The following FGF14 variants were observed in gnomAD, a reference collection of about 807,000 sequenced individuals.
FGF14 encodes fibroblast growth factor 14, also known as fibroblast growth factor homologous factor 4.
FGF14 carries 5 observed loss-of-function variants against 25.5 expected under a neutral mutation model. The ratio of observed to expected loss-of-function variants is 0.20; its 90% CI spans 0.10 to 0.41. The LOEUF is 0.41. Ranked by LOEUF, FGF14 falls within the 10% of genes least tolerant of loss-of-function variation. FGF14 has a pLI of 1.00. For synonymous variants in FGF14, 138 were observed against 118.3 expected, an observed-to-expected ratio of 1.17 and a Z score of -1.08; for missense variants, 222 against 320.1, an observed-to-expected ratio of 0.69 and a Z score of 2.34.
chr13:102,393,525 T>C (rs941374301), intron 1 of FGF14, among the ~76,000 whole-genome samples: 6 of 152,104 alleles, frequency 3.9e-5, no homozygotes, highest in African/African-American at 1.4e-4. Context: ...TTAAGAAAGA[T>C]TTTTCCCAAT....
At chr13:101,978,865 G>A (rs149006954) in intron 1 of FGF14, among the ~76,000 whole-genome samples, 206 of 152,300 alleles carry the variant, frequency 1.4e-3, no homozygotes, top group African/African-American at 4.6e-3. Flanking sequence ...GCAAAGGCCA[G>A]CTCTTGCTAC....
At chr13:102,212,677 T>C (rs1341610068) in intron 1 of FGF14, among the ~76,000 whole-genome samples, 1 of 152,214 alleles carries the variant, frequency 6.6e-6, no homozygotes, top group African/African-American at 2.4e-5. Flanking sequence ...TCTAACATTA[T>C]TATCAGATTA....
At chr13:101,867,048 A>G (rs1032717853) in intron 3 of FGF14, among the ~76,000 whole-genome samples, 2 of 152,178 alleles carry the variant, frequency 1.3e-5, no homozygotes, top group African/African-American at 2.4e-5. Flanking sequence ...CAACGTACCC[A>G]GTAACAAGCC....
At chr13:102,106,184 T>C (rs12866944) in intron 1 of FGF14, among the ~76,000 whole-genome samples, 47,177 of 152,134 alleles carry the variant, frequency 0.31, 8,885 homozygotes, top group Non-Finnish European at 0.42. Context: ...TAAGTCAATG[T>C]AGTGCTGAGT....
intron 1 of FGF14, among the ~76,000 whole-genome samples, chr13:102,089,450 G>A (rs1238985334): frequency 1.3e-5 from 2 of 152,132 alleles, no homozygotes; most frequent in African/African-American, 2.4e-5. Flanking sequence ...ACTATAAGAA[G>A]CACTAATATA....
At chr13:101,879,199 C>A (rs927157299) in intron 1 of FGF14, among the ~76,000 whole-genome samples, 1 of 152,058 alleles carries the variant, frequency 6.6e-6, no homozygotes, top group Non-Finnish European at 1.5e-5. Flanking sequence ...GTCTTAATTC[C>A]CCTTTTCCTC....
In FGF14 at chr13:101,895,798, A is replaced by T. The variant is rs149448661; in HGVS notation, c.194-20502T>A. ...TATATGGAGTGCCTAGAAATATTCTATAACAAAAATGCTCCAGTGATTCTC... is the reference window on the plus strand; with the variant it reads ...TATATGGAGTGCCTAGAAATATTCTTTAACAAAAATGCTCCAGTGATTCTC... On this transcript the variant is annotated intron_variant, in intron 1 of 4. Transcript: ENST00000376143. Among the ~76,000 whole-genome samples, 94 of 152,326 alleles carry T rather than the reference A, an allele frequency of 6.2e-4. No homozygotes were observed. In the East Asian group the frequency reaches 0.017, roughly 27 times the overall value.
chr13:102,239,175 C>T (rs1775935676), intron 1 of FGF14, among the ~76,000 whole-genome samples: 10 of 152,142 alleles, frequency 6.6e-5, no homozygotes, highest in Admixed American at 6.5e-4. Flanking sequence ...GTAGCAATTG[C>T]ATTGTAGAAA....
At chr13:102,107,411 T>C (rs2044977080) in intron 1 of FGF14, among the ~76,000 whole-genome samples, 1 of 152,094 alleles carries the variant, frequency 6.6e-6, no homozygotes, top group Non-Finnish European at 1.5e-5. Context: ...ATTAACCCAA[T>C]TGCATCTTGA....
chr13:102,345,350 G>A (rs950876), intron 1 of FGF14, among the ~76,000 whole-genome samples: 24,908 of 152,168 alleles, frequency 0.16, 2,193 homozygotes, highest in South Asian at 0.2. Flanking sequence ...AAGCAAATGC[G>A]ATGATGAGTT....
chr13:102,390,529 T>C (rs1320784077), intron 1 of FGF14, among the ~76,000 whole-genome samples: 2 of 152,256 alleles, frequency 1.3e-5, no homozygotes, highest in East Asian at 3.9e-4. Context: ...AGAGTATGTA[T>C]TCTGGAGTCA....
intron 3 of FGF14, among the ~76,000 whole-genome samples, chr13:101,828,763 T>C (rs187513285): frequency 1.2e-3 from 181 of 152,256 alleles, no homozygotes; most frequent in African/African-American, 4.2e-3. Context: ...GAGATAAAAA[T>C]ATCTCTTGCT....
chr13:102,161,566 G>GAAGAAAGA lies in FGF14; in HGVS notation c.208+239897_208+239904dup, dbSNP rs1220880553. 2.7e-3 allele frequency among the ~76,000 whole-genome samples: 6 copies of GAAGAAAGA among 2,258 alleles called. 1 individual carries two copies. Among genetic ancestry groups the GAAGAAAGA allele is most frequent in the Admixed American group, 7.8e-3 (1 of 128 alleles). 1.5% of individuals were successfully genotyped at this position (2,258 alleles called of 152,430 possible). A position where few individuals can be genotyped will look rare whatever the true frequency, so the allele number is the denominator to read the frequency against. On this transcript the variant is annotated intron_variant, in intron 1 of 4. Transcript: ENST00000376131. ...ATTCTCTATGCAACCAACTTTCTGT[G>GAAGAAAGA]AAGAAAGAAAGAAGAAGAAGAAGAA...
At chr13:101,918,033 A>C (rs2033705329), upstream of FGF14, among the ~76,000 whole-genome samples, 2 of 152,160 alleles carry the variant, frequency 1.3e-5, no homozygotes, top group Admixed American at 1.3e-4. Flanking sequence ...CTGGGCAAAG[A>C]AGCTCTGTCA....
At chr13:102,178,461 G>T (rs376142349) in intron 1 of FGF14, among the ~76,000 whole-genome samples, 53 of 152,220 alleles carry the variant, frequency 3.5e-4, no homozygotes, top group African/African-American at 1.2e-3. Flanking sequence ...TAATGCATAA[G>T]GGTGAAGTCT....
rs17589000 is a variant in FGF14, at chr13:102,151,929, A to C, written c.208+249542T>G. Among the ~76,000 whole-genome samples, 576 of 152,270 alleles carry C rather than the reference A, an allele frequency of 3.8e-3. 1 individual carries two copies. Among genetic ancestry groups the C allele is most frequent in the Non-Finnish European group, 5.7e-3 (386 of 68,022 alleles). On this transcript the variant is annotated intron_variant, in intron 1 of 4. Transcript: ENST00000376131. ...CTAGTATTTCATAAATGTTAGCTCA[A>C]TTATTCCCCACAACAAGATTACAAT...
At chr13:102,271,261 C>G (rs897337936) in intron 1 of FGF14, among the ~76,000 whole-genome samples, 9 of 152,090 alleles carry the variant, frequency 5.9e-5, no homozygotes, top group African/African-American at 2.2e-4. Flanking sequence ...ATTTTTATAT[C>G]TCATATTGGT....
chr13:102,059,645 G>T (rs1381396885), intron 1 of FGF14, among the ~76,000 whole-genome samples: 2 of 152,088 alleles, frequency 1.3e-5, no homozygotes, highest in African/African-American at 4.8e-5. Context: ...GAGGTCAGAA[G>T]TTCGAAACCG....
intron 1 of FGF14, among the ~76,000 whole-genome samples, chr13:102,222,231 T>C (rs1248948923): frequency 1.3e-5 from 2 of 152,186 alleles, no homozygotes; most frequent in African/African-American, 4.8e-5. Flanking sequence ...GTTTACACTG[T>C]TATTATAGCA....
Sources: allele counts gnomAD v4.1 joint callset (sites outside exome capture counted in the v4.1 genomes callset), GRCh38; gene constraint gnomAD v4.1.1; transcripts MANE v1.5; gene names NCBI Gene and HGNC (gene_info 2026-07-23, HGNC 2026-07-21).